Variants in GLCE observed in about 807,000 individuals in gnomAD.
The protein encoded by GLCE is D-glucuronyl C5-epimerase.
GLCE carries 19 observed loss-of-function variants against 47.9 expected under a neutral mutation model. The ratio of observed to expected loss-of-function variants is 0.40; its 90% CI spans 0.28 to 0.58. The LOEUF (loss-of-function observed/expected upper bound fraction) is 0.58, where lower values mean the gene tolerates loss of function less well. Ranked by LOEUF, GLCE falls within the 20% of genes least tolerant of loss-of-function variation. The pLI, the probability that GLCE is intolerant of heterozygous loss-of-function variation, is 0.48. For synonymous variants in GLCE, 245 were observed against 263.4 expected, an observed-to-expected ratio of 0.93 and a Z score of 0.68; for missense variants, 556 against 743.3, an observed-to-expected ratio of 0.75 and a Z score of 2.93.
chr15:69,179,356 T>A (rs928370511), intron 1 of GLCE, among the ~76,000 whole-genome samples: 1 of 152,224 alleles, frequency 6.6e-6, no homozygotes, highest in African/African-American at 2.4e-5. Context: ...CATATACCCT[T>A]CATCCAATTT....
intron 1 of GLCE, among the ~76,000 whole-genome samples, chr15:69,193,812 A>G (rs776317085): frequency 3.3e-5 from 5 of 152,082 alleles, no homozygotes; most frequent in Non-Finnish European, 5.9e-5. Context: ...TGGATATTCC[A>G]GACTAAGATC....
At chr15:69,206,982 AT>A (rs2052161429) in intron 1 of GLCE, among the ~76,000 whole-genome samples, 2 of 152,056 alleles carry the variant, frequency 1.3e-5, no homozygotes, top group South Asian at 2.1e-4. Context: ...GTTCATACTG[AT>A]GTCTGTGACT....
chr15:69,268,311 C>T lies in GLCE; in HGVS notation c.921C>T (p.Ser307=), dbSNP rs1320920157. The part of the protein sequence containing the change: ...DLKFLTNGSV[S]VVLETTEKNQ... Reference sequence around the variant, plus strand: ...AGTTCTTGACAAATGGAAGTGTGTCCGTGGTTCTAGAGACCACAGAAAAGA... The same window carrying T: ...AGTTCTTGACAAATGGAAGTGTGTCTGTGGTTCTAGAGACCACAGAAAAGA... Residue 307 remains serine (S), a synonymous_variant, in exon 5 of 5, where the codon TCC becomes TCT. Transcript: ENST00000261858. The T allele has an allele frequency of 1.1e-5, 18 of 1,609,426 alleles. No homozygotes were observed. The highest frequency in any genetic ancestry group is 2.7e-5 in the African/African-American group (2 of 74,790).
intron 4 of GLCE, among the ~76,000 whole-genome samples, chr15:69,262,488 T>A (rs1437565431): frequency 6.6e-6 from 1 of 152,194 alleles, no homozygotes; most frequent in Non-Finnish European, 1.5e-5. Flanking sequence ...ATTTTTGCAC[T>A]AGTTAATAAT....
chr15:69,186,632 G>C (rs1315844025), intron 1 of GLCE, among the ~76,000 whole-genome samples: 1 of 152,158 alleles, frequency 6.6e-6, no homozygotes, highest in Non-Finnish European at 1.5e-5. Context: ...AAGAAGATAA[G>C]GATGTGTGCA....
At chr15:69,219,459 A>G (rs548837087) in intron 2 of GLCE, among the ~76,000 whole-genome samples, 3 of 152,270 alleles carry the variant, frequency 2.0e-5, no homozygotes, top group African/African-American at 7.2e-5. Context: ...TAAAAGTAGT[A>G]TCTGAGTCTG....
intron 1 of GLCE, among the ~76,000 whole-genome samples, chr15:69,163,846 A>G (rs1433660206): frequency 6.6e-6 from 1 of 152,208 alleles, no homozygotes; most frequent in Admixed American, 6.5e-5. Context: ...GGCTTTTGTC[A>G]GTATTGCCAG....
intron 2 of GLCE, among the ~76,000 whole-genome samples, chr15:69,229,852 A>G (rs1170573982): frequency 6.6e-6 from 1 of 152,220 alleles, no homozygotes; most frequent in Non-Finnish European, 1.5e-5. Context: ...TTTGATTTAA[A>G]AAAAAATTTC....
intron 1 of GLCE, among the ~76,000 whole-genome samples, chr15:69,198,115 CT>C (rs964082557): frequency 1.3e-5 from 2 of 151,726 alleles, no homozygotes; most frequent in African/African-American, 4.8e-5. Flanking sequence ...ATACTTTTTT[CT>C]TTTTTTTAAA....
Position 69,226,029 on chromosome 15 carries a change from C to T in GLCE, c.-14+15623C>T, listed in dbSNP as rs116207046. Among the ~76,000 whole-genome samples, 887 of 149,530 alleles carry T rather than the reference C, an allele frequency of 5.9e-3. 2 individuals are homozygous for T. The highest frequency in any genetic ancestry group is 0.011 in the Admixed American group (160 of 15,006). ...AACCTCCCTCCTCTAAACACATACA[C>T]GTGTGCACGCATGCACAGACACACA... On this transcript the variant is annotated intron_variant, in intron 2 of 4. Transcript: ENST00000261858.
chr15:69,163,293 G>A (rs1202570590), intron 1 of GLCE, among the ~76,000 whole-genome samples: 2 of 152,068 alleles, frequency 1.3e-5, no homozygotes, highest in African/African-American at 4.8e-5. Context: ...TTGATTATCT[G>A]CTAGGTGTCA....
chr15:69,264,681 A>G (rs112249361), intron 4 of GLCE, among the ~76,000 whole-genome samples: 1 of 152,280 alleles, frequency 6.6e-6, no homozygotes, highest in African/African-American at 2.4e-5. Context: ...CCCTTTCTCC[A>G]TATCCTCACC....
intron 1 of GLCE, among the ~76,000 whole-genome samples, chr15:69,178,939 G>A (rs1045525193): frequency 3.3e-5 from 5 of 152,006 alleles, no homozygotes; most frequent in African/African-American, 9.7e-5. Flanking sequence ...GAAAAAAGGA[G>A]CACTTCTCCA....
intron 2 of GLCE, among the ~76,000 whole-genome samples, chr15:69,240,258 TGGGCG>T (rs758325875): frequency 0.72 from 104,132 of 144,598 alleles, 37,543 homozygotes; most frequent in Admixed American, 0.8. Context: ...CACTCCAGCC[TGGGCG>T]ACAGAGCGAG....
rs74486643 is a variant in GLCE, at chr15:69,220,914, T to C, written c.-14+10508T>C. On this transcript the variant is annotated intron_variant, in intron 2 of 4. Transcript: ENST00000261858. ...CTAAGAATTTTATAGTTTTAGAATT[T>C]ATGTTTAAGTCTTTCATCTATTTTT... Among the ~76,000 whole-genome samples the C allele has an allele frequency of 1.6e-3, 242 of 152,334 alleles. 1 individual carries two copies. The highest frequency in any genetic ancestry group is 5.7e-3 in the African/African-American group (236 of 41,570).
rs1389305151 is a variant in GLCE, at chr15:69,160,966, G to T, written c.-105+209G>T. On this transcript the variant is annotated intron_variant, in intron 1 of 4. Coordinates refer to ENST00000261858, the MANE Select transcript of GLCE (RefSeq NM_015554.3). The surrounding 1 kb of genome is among the most constrained non-coding windows in gnomAD (Gnocchi z 4.2). ...CGCGGGCGCCCAAGGGCGGTGTAGC[G>T]GGTGCCGGAGCTCCCGAGGTGAGGG... is the stretch of plus-strand genomic sequence containing the variant. Among the ~76,000 whole-genome samples, 2 of 152,132 alleles carry T rather than the reference G, an allele frequency of 1.3e-5. No homozygotes were observed. Among genetic ancestry groups the T allele is most frequent in the South Asian group, 4.1e-4 (2 of 4,822 alleles).
Position 69,269,176 on chromosome 15 carries a change from C to T in GLCE, c.1786C>T (p.Pro596Ser). ...LQLLSTIDESPVFKEFVKRWK... is the reference protein window; with the variant it reads ...LQLLSTIDESSVFKEFVKRWK... ...GCTACTCAGTACCATTGATGAGTCC[C>T]CAGTCTTCAAAGAATTTGTCAAGAG... Residue 596 changes from proline to serine, a missense_variant, in exon 5 of 5, where the codon CCA becomes TCA. By Grantham distance (74) the Pro-to-Ser change is moderately conservative. Transcript: ENST00000261858. 1 of 1,613,810 alleles carries T rather than the reference C, an allele frequency of 6.2e-7. No individual in the cohort carries two copies. The highest frequency in any genetic ancestry group is 1.1e-5 in the South Asian group (1 of 91,072).
At chr15:69,197,751 G>C (rs1178728407) in intron 1 of GLCE, among the ~76,000 whole-genome samples, 1 of 152,154 alleles carries the variant, frequency 6.6e-6, no homozygotes, top group East Asian at 1.9e-4. Flanking sequence ...GAGATGTGGA[G>C]ACAGTGAGTG....
At chr15:69,162,629 T>C (rs2051441907) in intron 1 of GLCE, among the ~76,000 whole-genome samples, 1 of 152,264 alleles carries the variant, frequency 6.6e-6, no homozygotes, top group African/African-American at 2.4e-5. Context: ...CTACCATGGC[T>C]CACTGCAGCC....
Sources: gnomAD v4.1 joint callset for allele counts (sites outside exome capture counted in the v4.1 genomes callset) on GRCh38, gnomAD v4.1.1 for gene constraint, Gnocchi (gnomAD v3.1) non-coding constraint, MANE v1.5 for transcripts, NCBI Gene and HGNC (gene_info 2026-07-23, HGNC 2026-07-21) for gene names.